The following FHOD1 variants were observed in gnomAD, a reference collection of about 807,000 sequenced individuals.
FHOD1 encodes the protein formin homology 2 domain containing 1.
Under a neutral mutation model 111.6 loss-of-function variants are expected in FHOD1, and 89 were observed. The ratio of observed to expected loss-of-function variants is 0.80; its 90% CI spans 0.67 to 0.95. The LOEUF (loss-of-function observed/expected upper bound fraction) is 0.95. Among genes scored for constraint, FHOD1 ranks in the 40% least tolerant of loss-of-function variants. The probability of loss-of-function intolerance (pLI) is 0.00; values close to 1 mark genes in which losing one functional copy is unlikely to be tolerated. For missense variants in FHOD1, 1,446 were observed against 1,554.2 expected (o/e 0.93, Z 1.17); for synonymous variants, 618 against 639.0 (o/e 0.97, Z 0.50).
intron 1 of FHOD1, among the ~76,000 whole-genome samples, chr16:67,240,878 G>A (rs986674814): frequency 1.3e-5 from 2 of 152,232 alleles, no homozygotes; most frequent in Admixed American, 6.5e-5. Context: ...GAGAGGCAGG[G>A]TGTCTTCTGG....
At position 67,231,158 on chromosome 16, in the gene FHOD1, C is replaced by G. The variant is rs575358468; in HGVS notation, c.2667+30G>C. The G allele has an allele frequency of 6.2e-7, 1 of 1,611,320 alleles. No individual in the cohort carries two copies. The highest frequency in any genetic ancestry group is 8.5e-7 in the Non-Finnish European group (1 of 1,178,378). On this transcript the variant is annotated intron_variant, in intron 17 of 21. Coordinates refer to ENST00000258201, the MANE Select transcript of FHOD1 (RefSeq NM_013241.3). The surrounding 1 kb of genome is among the most constrained non-coding windows in gnomAD (Gnocchi z 4.3). ...GAAGCAGCGCTCCTCATGCCTTGTC[C>G]GGCCTTGGTTGATTCTGGCAGGTGC...
At position 67,234,269 on chromosome 16, in the gene FHOD1, T is replaced by G; in HGVS notation, c.1436-2A>C. Reference sequence around the variant, plus strand: ...GGGAGTCCCAGAGTTGCCGGGCATCTAAAGAAAGGGAAGGAGCTGTCAGTG... The same window carrying G: ...GGGAGTCCCAGAGTTGCCGGGCATCGAAAGAAAGGGAAGGAGCTGTCAGTG... On this transcript the variant is annotated splice_acceptor_variant, in intron 12 of 21. Coordinates refer to ENST00000258201, the MANE Select transcript of FHOD1 (RefSeq NM_013241.3). LOFTEE classifies it high-confidence loss of function. The G allele has an allele frequency of 6.4e-7, 1 of 1,569,996 alleles. No homozygotes were observed. Among genetic ancestry groups the G allele is most frequent in the South Asian group, 1.2e-5 (1 of 86,480 alleles).
In FHOD1 at chr16:67,231,661, C is replaced by T; in HGVS notation, c.2361G>A (p.Lys787=). Residue 787 remains lysine, a synonymous_variant, in exon 15 of 22, where the codon AAG becomes AAA. Coordinates refer to ENST00000258201, the MANE Select transcript of FHOD1 (RefSeq NM_013241.3). This position sits in a 1 kb window ranked among gnomAD's most constrained non-coding sequence, Gnocchi z 4.3. ...LAARLQLWAF[K]LDYDSMEREI... ...CCCGCTCCATGCTGTCATAGTCCAG[C>T]TTGAAGGCCCAGAGTTGTAGACGAG... 1 of 1,614,180 alleles carries T rather than the reference C, an allele frequency of 6.2e-7. No homozygotes were observed. The highest frequency in any genetic ancestry group is 8.5e-7 in the Non-Finnish European group (1 of 1,180,024).
At position 67,231,742 on chromosome 16, in the gene FHOD1, G is replaced by C. The variant is rs770290575; in HGVS notation, c.2280C>G (p.Pro760=). 1 of 1,614,044 alleles carries C rather than the reference G, an allele frequency of 6.2e-7. No individual in the cohort carries two copies. The highest frequency in any genetic ancestry group is 8.5e-7 in the Non-Finnish European group (1 of 1,179,992). ...EEAQLANPDI[P]LGPAENFLMT... is the part of the protein sequence containing the mutation. ...TCAGGAAGTTCTCGGCTGGGCCCAG[G>C]GGTATGTCAGGGTTGGCCAGCTGGG... The change falls in exon 15 of 22, where the codon CCC becomes CCG. Residue 760 remains proline (P), a synonymous_variant. Coordinates refer to ENST00000258201, the MANE Select transcript of FHOD1 (RefSeq NM_013241.3). This position sits in a 1 kb window ranked among gnomAD's most constrained non-coding sequence, Gnocchi z 4.3.
chr16:67,246,703 C>A (rs1487207117), intron 1 of FHOD1, among the ~76,000 whole-genome samples: 2 of 152,210 alleles, frequency 1.3e-5, no homozygotes, highest in Non-Finnish European at 2.9e-5. Flanking sequence ...TCGGCCGGCA[C>A]TCCCATACTC....
At position 67,233,683 on chromosome 16, in the gene FHOD1, G is replaced by A. The variant is rs780168242; in HGVS notation, c.2020C>T (p.Arg674Cys). 12 of 1,601,290 alleles carry A rather than the reference G, an allele frequency of 7.5e-6. No homozygotes were observed. Among genetic ancestry groups the A allele is most frequent in the African/African-American group, 1.3e-5 (1 of 74,722 alleles). Residue 674 changes from arginine to cysteine, a missense_variant, in exon 13 of 22, where the codon CGT (arginine) becomes TGT (cysteine). This residue lies in a region of FHOD1 where 1,085 missense variants were observed against 1,108.8 expected (regional missense o/e 0.98). Coordinates refer to ENST00000258201, the MANE Select transcript of FHOD1 (RefSeq NM_013241.3). The part of the protein sequence containing the change: ...TARLEHLFES[R>C]AKEVLPSKKA... The stretch of plus-strand genomic sequence containing the variant: ...TTGGAGGGCAGCACCTCTTTGGCAC[G>A]AGACTCAAAGAGGTGTTCCAGTCGG...
intron 11 of FHOD1, chr16:67,234,854 C>T (rs949723526): frequency 5.7e-6 from 1 of 176,866 alleles, no homozygotes; most frequent in Non-Finnish European, 1.2e-5. Context: ...ACTGCAGCCT[C>T]ACTCTCCTGG....
At chr16:67,242,051 C>G (rs887937332) in intron 1 of FHOD1, among the ~76,000 whole-genome samples, 15 of 152,088 alleles carry the variant, frequency 9.9e-5, no homozygotes, top group Admixed American at 8.5e-4. Flanking sequence ...TCACTGCAAC[C>G]TCTGCCTCCT....
In FHOD1 at chr16:67,231,655, G is replaced by C; in HGVS notation, c.2367C>G (p.Asp789Glu). 6.2e-7 allele frequency: 1 copy of C among 1,614,200 alleles called. No homozygotes were observed. Among genetic ancestry groups the C allele is most frequent in the Non-Finnish European group, 8.5e-7 (1 of 1,180,044 alleles). ...ARLQLWAFKLDYDSMEREIAE... is the reference protein window; with the variant it reads ...ARLQLWAFKLEYDSMEREIAE... ...CAGGTACCCGCTCCATGCTGTCATA[G>C]TCCAGCTTGAAGGCCCAGAGTTGTA... is the stretch of plus-strand genomic sequence containing the variant. Residue 789 changes from aspartate (D) to glutamate (E), a missense_variant, in exon 15 of 22, where the codon GAC becomes GAG. Around this residue, in one of 3 missense-constraint regions of FHOD1, gnomAD observed 1,085 missense variants for 1,108.8 expected, o/e 0.98. Coordinates refer to ENST00000258201, the MANE Select transcript of FHOD1 (RefSeq NM_013241.3). This position sits in a 1 kb window ranked among gnomAD's most constrained non-coding sequence, Gnocchi z 4.3.
rs749674590 is a variant in FHOD1 at position 67,234,471 on chromosome 16, C to T, written c.1321G>A (p.Ala441Thr). Residue 441 changes from alanine (A) to threonine (T), a missense_variant and splice_region_variant, in exon 12 of 22, where the codon GCC becomes ACC. Physicochemically the swap from Ala to Thr is moderately conservative, Grantham distance 58 (BLOSUM62 0). Coordinates refer to ENST00000258201, the MANE Select transcript of FHOD1 (RefSeq NM_013241.3). The stretch of plus-strand genomic sequence containing the variant: ...GCCGCCACATTCTCCAGGAACCGGG[C>T]TCTGAGGGAAGGTGCTTGTCACTGA... ...DTSSERSIYKARFLENVAAAE... is the reference protein window; with the variant it reads ...DTSSERSIYKTRFLENVAAAE... 9 of 1,582,360 alleles carry T rather than the reference C, an allele frequency of 5.7e-6. No homozygotes were observed. The East Asian group carries it at 2.1e-4, about 37-fold the overall frequency.
chr16:67,230,861 T>G (rs1391366128), intron 17 of FHOD1, 70 bp from the exon 18 acceptor site: 2 of 1,490,860 alleles, frequency 1.3e-6, no homozygotes, highest in Non-Finnish European at 1.8e-6. Context: ...CGAGGCTGCT[T>G]CTGGGCCAGA....
chr16:67,230,307 C>T lies in FHOD1; in HGVS notation c.3051+7G>A, dbSNP rs376362919. ...CAGTCAAGACTAAGACCTGGAAGGG[C>T]ACCCACCTCGGTGATCATGCGTCCC... is the stretch of plus-strand genomic sequence containing the variant. On this transcript the variant is annotated splice_region_variant and intron_variant, in intron 19 of 21. Coordinates refer to ENST00000258201, the MANE Select transcript of FHOD1 (RefSeq NM_013241.3). 2 of 1,614,110 alleles carry T rather than the reference C, an allele frequency of 1.2e-6. No individual in the cohort carries two copies. Among genetic ancestry groups the T allele is most frequent in the South Asian group, 2.2e-5 (2 of 91,092 alleles).
Position 67,233,723 on chromosome 16 carries a change from G to GAC in FHOD1, c.1978_1979dup (p.Val662GlnfsTer31). On this transcript the variant is annotated frameshift_variant, in exon 13 of 22. Transcript: ENST00000258201. LOFTEE classifies it high-confidence loss of function. ...GTTCCAGTCGGGCCGTGTCCACTGA[G>GAC]ACAGGGTCCAGTGAAGCCCAGAGGG... 1.2e-6 allele frequency: 2 copies of GAC among 1,612,886 alleles called. No individual in the cohort carries two copies. Among genetic ancestry groups the GAC allele is most frequent in the Non-Finnish European group, 1.7e-6 (2 of 1,179,086 alleles).
chr16:67,246,002 G>A (rs2034810174), intron 1 of FHOD1, among the ~76,000 whole-genome samples: 1 of 152,212 alleles, frequency 6.6e-6, no homozygotes, highest in Non-Finnish European at 1.5e-5. Context: ...AAGAGAAGCG[G>A]GGGCTGAGTC....
chr16:67,239,465 A>G lies in FHOD1; in HGVS notation c.202-11T>C. On this transcript the variant is annotated splice_polypyrimidine_tract_variant and intron_variant, in intron 1 of 21. Coordinates refer to ENST00000258201, the MANE Select transcript of FHOD1 (RefSeq NM_013241.3). ...AGCACAATCCTCCAACTGGGGGCAA[A>G]GGGAACAGCTGTGAGACTGAGGAAG... The G allele has an allele frequency of 6.2e-7, 1 of 1,602,796 alleles. No individual in the cohort carries two copies. Among genetic ancestry groups the G allele is most frequent in the Non-Finnish European group, 8.5e-7 (1 of 1,169,904 alleles).
rs762650935 is a variant in FHOD1, at chr16:67,237,676, GT to G, written c.734del (p.Asn245ThrfsTer53). The G allele has an allele frequency of 6.2e-7, 1 of 1,614,196 alleles. No individual in the cohort carries two copies. The highest frequency in any genetic ancestry group is 2.2e-5 in the East Asian group (1 of 44,864). On this transcript the variant is annotated frameshift_variant, in exon 7 of 22. Coordinates refer to ENST00000258201, the MANE Select transcript of FHOD1 (RefSeq NM_013241.3). LOFTEE classifies it high-confidence loss of function. This position sits in a 1 kb window ranked among gnomAD's most constrained non-coding sequence, Gnocchi z 5.6. ...TCTGACCGGTGGTGCTGGCCACAGAGTTCACTGCACGGATGAACAGCGGTGC... is the reference window on the plus strand; with the variant it reads ...TCTGACCGGTGGTGCTGGCCACAGAGTCACTGCACGGATGAACAGCGGTGC... Reference protein sequence around the residue: ...NNAPLFIRAVNSVASTTGAPP... With the variant: ...NNAPLFIRAVXSVASTTGAPP...
In FHOD1 at chr16:67,231,387, C is replaced by T. The variant is rs1345395921; in HGVS notation, c.2506-38G>A. 4 of 1,613,838 alleles carry T rather than the reference C, an allele frequency of 2.5e-6. No individual in the cohort carries two copies. The highest frequency in any genetic ancestry group is 3.4e-6 in the Non-Finnish European group (4 of 1,179,976). On this transcript the variant is annotated intron_variant, in intron 16 of 21. Transcript: ENST00000258201. The surrounding 1 kb of genome is among the most constrained non-coding windows in gnomAD (Gnocchi z 4.3). The stretch of plus-strand genomic sequence containing the variant: ...TTTCTGAGCCTGGGCCTGGTTGGCT[C>T]CAGAACCCTGACTCCCCCTAGTCCC...
At chr16:67,236,435 C>A in intron 11 of FHOD1, 122 bp downstream of exon 11, 2 of 1,501,776 alleles carry the variant, frequency 1.3e-6, no homozygotes, top group Non-Finnish European at 8.9e-7. Flanking sequence ...TTGGTGAAGT[C>A]TGGAAAGAGA....
In FHOD1 at chr16:67,230,663, G is replaced by T; in HGVS notation, c.2796C>A (p.Phe932Leu). 1 of 1,614,104 alleles carries T rather than the reference G, an allele frequency of 6.2e-7. No individual in the cohort carries two copies. The highest frequency in any genetic ancestry group is 1.1e-5 in the South Asian group (1 of 91,086). Residue 932 changes from phenylalanine to leucine, a missense_variant, in exon 18 of 22, where the codon TTC becomes TTA. Transcript: ENST00000258201. Reference sequence around the variant, plus strand: ...CAACACGGCGGGCACACTGGTCCAGGAAGTGGGTGAGGCGGGCACGCAGGG... The same window carrying T: ...CAACACGGCGGGCACACTGGTCCAGTAAGTGGGTGAGGCGGGCACGCAGGG... ...APALRARLTH[F>L]LDQCARRVAM...
Sources: allele counts gnomAD v4.1 joint callset (sites outside exome capture counted in the v4.1 genomes callset), GRCh38; gene constraint gnomAD v4.1.1; regional missense constraint gnomAD v4.1.1; non-coding constraint Gnocchi (gnomAD v3.1); transcripts MANE v1.5; gene names NCBI Gene and HGNC (gene_info 2026-07-23, HGNC 2026-07-21).